SYNJ2BP: variants seen among roughly 807,000 people sequenced by gnomAD.
SYNJ2BP encodes the protein synaptojanin-2-binding protein.
In SYNJ2BP, 10 loss-of-function variants were observed where a neutral mutation model predicts 16.9. The ratio of observed to expected loss-of-function variants is 0.59; its 90% CI spans 0.36 to 1.00. SYNJ2BP has a LOEUF of 1.00. Among genes scored for constraint, SYNJ2BP ranks in the 50% least tolerant of loss-of-function variants. SYNJ2BP has a pLI of 0.01. For synonymous variants in SYNJ2BP, 54 were observed against 68.4 expected, an observed-to-expected ratio of 0.79 and a Z score of 1.04; for missense variants, 162 against 186.7, an observed-to-expected ratio of 0.87 and a Z score of 0.77.
intron 1 of SYNJ2BP, among the ~76,000 whole-genome samples, chr14:70,404,175 TA>T (rs55783829): frequency 0.042 from 6,275 of 149,544 alleles, 159 homozygotes; most frequent in Middle Eastern, 0.076. Flanking sequence ...AATGAAAAAT[TA>T]AAAAAAAAAA....
intron 1 of SYNJ2BP, among the ~76,000 whole-genome samples, chr14:70,407,933 A>G (rs1194789262): frequency 6.6e-6 from 1 of 152,152 alleles, no homozygotes; most frequent in Non-Finnish European, 1.5e-5. Flanking sequence ...GCTTATATTC[A>G]TTTTTGTACC....
intron 1 of SYNJ2BP, among the ~76,000 whole-genome samples, chr14:70,398,035 A>G (rs149009441): frequency 0.012 from 624 of 50,066 alleles, no homozygotes; most frequent in South Asian, 0.027. Flanking sequence ...ATGAGTGTTC[A>G]ACTCTCAGCA....
At chr14:70,387,777 G>A (rs1887891457) in intron 2 of SYNJ2BP, among the ~76,000 whole-genome samples, 1 of 149,448 alleles carries the variant, frequency 6.7e-6, no homozygotes, top group African/African-American at 2.5e-5. Context: ...GTTGCGGTGA[G>A]CCAAGATTAC....
In SYNJ2BP at chr14:70,372,981, A is replaced by C. The variant is rs1887548754; in HGVS notation, c.*10T>G. The C allele has an allele frequency of 1.2e-6, 2 of 1,613,800 alleles. No homozygotes were observed. The highest frequency in any genetic ancestry group is 2.7e-5 in the African/African-American group (2 of 74,882). ...ATCTTCATTGGGAGTATTGAAAGAG[A>C]GCAAGTTTTTCAAAGTTGTTGCCGG... On this transcript the variant is annotated 3_prime_UTR_variant, in exon 4 of 4. Transcript: ENST00000256366.
At chr14:70,409,886 G>T (rs12892542) in intron 1 of SYNJ2BP, among the ~76,000 whole-genome samples, 80,773 of 151,408 alleles carry the variant, frequency 0.53, 23,327 homozygotes, top group Non-Finnish European at 0.64. Context: ...TGAGGTGGAG[G>T]ATCACTTGAG....
chr14:70,406,804 C>A (rs569987009), intron 1 of SYNJ2BP, among the ~76,000 whole-genome samples: 2 of 152,154 alleles, frequency 1.3e-5, no homozygotes, highest in African/African-American at 2.4e-5. Context: ...TCCAACCCCC[C>A]ACCTGACAAA....
intron 2 of SYNJ2BP, among the ~76,000 whole-genome samples, chr14:70,379,044 A>C (rs1231594646): frequency 1.4e-5 from 2 of 145,174 alleles, no homozygotes; most frequent in Non-Finnish European, 3.0e-5. Flanking sequence ...AGCCCTCAAA[A>C]TCATCTTTGG....
At position 70,372,736 on chromosome 14, in the gene SYNJ2BP, A is replaced by G; in HGVS notation, c.*255T>C. 2.6e-6 allele frequency: 1 copy of G among 379,808 alleles called. No homozygotes were observed. Among genetic ancestry groups the G allele is most frequent in the East Asian group, 4.8e-5 (1 of 20,674 alleles). The allele number at this position is 379,808 out of a possible 1,614,324, so 23.5% of individuals were successfully genotyped here. A position where few individuals can be genotyped will look rare whatever the true frequency, so the allele number is the denominator to read the frequency against. On this transcript the variant is annotated 3_prime_UTR_variant, in exon 4 of 4. Coordinates refer to ENST00000256366, the MANE Select transcript of SYNJ2BP (RefSeq NM_018373.3). ...CTCTTTGGGTTGTAGCTGAATTTCT[A>G]TCAAAAGTCCTAGTAAAATATATAA...
At chr14:70,374,602 T>G (rs545960256) in intron 3 of SYNJ2BP, among the ~76,000 whole-genome samples, 1 of 152,304 alleles carries the variant, frequency 6.6e-6, no homozygotes, top group South Asian at 2.1e-4. Flanking sequence ...CACTTGGAAA[T>G]AAGAAACAGA....
intron 2 of SYNJ2BP, among the ~76,000 whole-genome samples, chr14:70,378,411 T>A (rs1887678499): frequency 1.3e-5 from 2 of 150,046 alleles, no homozygotes; most frequent in Non-Finnish European, 3.0e-5. Context: ...ATTGCCACTA[T>A]CATTCCTTCA....
In SYNJ2BP at chr14:70,370,074, T is replaced by G. The variant is rs1887484994; in HGVS notation, c.*2917A>C. On this transcript the variant is annotated 3_prime_UTR_variant, in exon 4 of 4. Transcript: ENST00000256366. The stretch of plus-strand genomic sequence containing the variant: ...GTATTACATTGATCTTCAATGCTAC[T>G]TAATTTCTGAGAAAACCTAAGTTAT... The G allele has an allele frequency of 6.6e-6, 1 of 152,226 alleles. No individual in the cohort carries two copies. The highest frequency in any genetic ancestry group is 1.5e-5 in the Non-Finnish European group (1 of 68,032). The allele number at this position is 152,226 out of a possible 1,614,324, so 9.4% of individuals were successfully genotyped here.
chr14:70,398,269 C>T (rs114719833), intron 1 of SYNJ2BP, among the ~76,000 whole-genome samples: 3,404 of 152,300 alleles, frequency 0.022, 113 homozygotes, highest in African/African-American at 0.077. Flanking sequence ...GTGGGACTAG[C>T]AGCCCAGCCC....
At chr14:70,393,264 G>A (rs1238689761) in intron 1 of SYNJ2BP, among the ~76,000 whole-genome samples, 1 of 152,158 alleles carries the variant, frequency 6.6e-6, no homozygotes, top group African/African-American at 2.4e-5. Flanking sequence ...GCCATCTCAT[G>A]CCAATTGGAA....
chr14:70,406,946 A>T (rs752424468), intron 1 of SYNJ2BP, among the ~76,000 whole-genome samples: 124 of 152,320 alleles, frequency 8.1e-4, no homozygotes, highest in Non-Finnish European at 1.6e-3. Context: ...AAATTGGCTC[A>T]GTCTAGGCAG....
Position 70,367,537 on chromosome 14 carries a change from A to C in SYNJ2BP, c.*5454T>G, listed in dbSNP as rs1378983468. 1 of 128,630 alleles carries C rather than the reference A, an allele frequency of 7.8e-6. No homozygotes were observed. Among genetic ancestry groups the C allele is most frequent in the Non-Finnish European group, 1.6e-5 (1 of 63,116 alleles). 8.0% of individuals were successfully genotyped at this position (128,630 alleles called of 1,614,324 possible). ...AGATCGTGCCACTGCACTCCAGCCT[A>C]GGCGACAGAGCAAGACTCCGTCTCA... On this transcript the variant is annotated 3_prime_UTR_variant, in exon 4 of 4. Transcript: ENST00000256366.
At chr14:70,394,849 C>T (rs1045721574) in intron 1 of SYNJ2BP, among the ~76,000 whole-genome samples, 1 of 152,148 alleles carries the variant, frequency 6.6e-6, no homozygotes, top group Admixed American at 6.5e-5. Context: ...CACAAGTACT[C>T]ATTTTTCAAA....
chr14:70,415,567 AAAG>A (rs1284940014), intron 1 of SYNJ2BP, among the ~76,000 whole-genome samples: 1 of 151,890 alleles, frequency 6.6e-6, no homozygotes, highest in Non-Finnish European at 1.5e-5. Flanking sequence ...AAAAAAAAGA[AAAG>A]AAAAAGAAAG....
At position 70,372,863 on chromosome 14, in the gene SYNJ2BP, G is replaced by A; in HGVS notation, c.*128C>T. ...AAGAATTGGAGACTGTGAACAGCAA[G>A]GTTTGGGGTGGGTATCAGTCACTTC... On this transcript the variant is annotated 3_prime_UTR_variant, in exon 4 of 4. Transcript: ENST00000256366. 1 of 1,364,992 alleles carries A rather than the reference G, an allele frequency of 7.3e-7. No individual in the cohort carries two copies. The highest frequency in any genetic ancestry group is 1.4e-5 in the South Asian group (1 of 72,908). 84.6% of individuals were successfully genotyped at this position (1,364,992 alleles called of 1,614,324 possible). A position where few individuals can be genotyped will look rare whatever the true frequency, so the allele number is the denominator to read the frequency against.
chr14:70,372,967 G>T lies in SYNJ2BP; in HGVS notation c.*24C>A, dbSNP rs780495617. ...GGTGAGTGAAATGTATCTTCATTGG[G>T]AGTATTGAAAGAGAGCAAGTTTTTC... On this transcript the variant is annotated 3_prime_UTR_variant, in exon 4 of 4. Coordinates refer to ENST00000256366, the MANE Select transcript of SYNJ2BP (RefSeq NM_018373.3). 1 of 1,613,322 alleles carries T rather than the reference G, an allele frequency of 6.2e-7. No homozygotes were observed.
Sources: gnomAD v4.1 joint callset for allele counts (sites outside exome capture counted in the v4.1 genomes callset) on GRCh38, gnomAD v4.1.1 for gene constraint, MANE v1.5 for transcripts, NCBI Gene and HGNC (gene_info 2026-07-23, HGNC 2026-07-21) for gene names.